The following CSTPP1 variants were observed in gnomAD, a reference collection of about 807,000 sequenced individuals.
The protein encoded by CSTPP1 is UPF0705 protein C11orf49.
the CSTPP1 span, among the ~76,000 whole-genome samples, chr11:47,119,584 T>C: frequency 2.0e-5 from 3 of 151,218 alleles, no homozygotes; most frequent in Admixed American, 6.6e-5. Flanking sequence ...TTCAGCCATC[T>C]TGGAACACTG....
chr11:47,063,785 G>A, the CSTPP1 span, among the ~76,000 whole-genome samples: 1 of 152,156 alleles, frequency 6.6e-6, no homozygotes, highest in African/African-American at 2.4e-5. Context: ...TGCTATGAAT[G>A]TAAGTGTACA....
chr11:47,093,458 T>G, the CSTPP1 span, among the ~76,000 whole-genome samples: 1 of 152,254 alleles, frequency 6.6e-6, no homozygotes, highest in Non-Finnish European at 1.5e-5. Flanking sequence ...CAGGCACTGT[T>G]TTGGTGCTGG....
the CSTPP1 span, among the ~76,000 whole-genome samples, chr11:47,004,904 T>C: frequency 6.6e-5 from 10 of 152,264 alleles, no homozygotes; most frequent in South Asian, 1.5e-3. Flanking sequence ...CTCTGAACAG[T>C]TGGAATGTAT....
the CSTPP1 span, among the ~76,000 whole-genome samples, chr11:47,000,723 A>C: frequency 6.6e-6 from 1 of 152,168 alleles, no homozygotes. Flanking sequence ...GAGCAAGACA[A>C]ATAAGGTACC....
the CSTPP1 span, among the ~76,000 whole-genome samples, chr11:47,025,056 T>C: frequency 2.6e-5 from 4 of 152,184 alleles, no homozygotes; most frequent in Non-Finnish European, 5.9e-5. Context: ...GTGCCTATAG[T>C]GCCCTTATTT....
chr11:47,046,485 C>A, the CSTPP1 span, among the ~76,000 whole-genome samples: 1 of 151,882 alleles, frequency 6.6e-6, no homozygotes, highest in Admixed American at 6.6e-5. Context: ...AGGTGAAAGA[C>A]TTGCACACTG....
chr11:47,087,163 A>C, the CSTPP1 span, among the ~76,000 whole-genome samples: 1 of 152,210 alleles, frequency 6.6e-6, no homozygotes, highest in South Asian at 2.1e-4. Context: ...GCTTTTTTAA[A>C]AAATCATTAT....
At chr11:47,104,411 T>G in the CSTPP1 span, among the ~76,000 whole-genome samples, 1 of 152,220 alleles carries the variant, frequency 6.6e-6, no homozygotes, top group Non-Finnish European at 1.5e-5. Flanking sequence ...TCAGTCACAC[T>G]GTGGCCCCAG....
chr11:46,937,883 C>CGTTTTGTTTTGTTTT, the CSTPP1 span, among the ~76,000 whole-genome samples: 1 of 151,382 alleles, frequency 6.6e-6, no homozygotes, highest in Non-Finnish European at 1.5e-5. Flanking sequence ...TTTTTAAAGA[C>CGTTTTGTTTTGTTTT]GTTTTGTTTT....
At chr11:47,118,711 C>G in the CSTPP1 span, among the ~76,000 whole-genome samples, 319 of 152,316 alleles carry the variant, frequency 2.1e-3, 1 homozygote, top group Middle Eastern at 6.8e-3. Flanking sequence ...AGTCAGGTCC[C>G]TCAGCTGCAG....
the CSTPP1 span, among the ~76,000 whole-genome samples, chr11:46,977,156 C>T: frequency 2.6e-5 from 4 of 152,182 alleles, no homozygotes; most frequent in African/African-American, 4.8e-5. Flanking sequence ...AGTGGTAGTA[C>T]ATGGCTTGCA....
chr11:46,936,754 C>G, the CSTPP1 span: 10 of 1,604,722 alleles, frequency 6.2e-6, no homozygotes, highest in Non-Finnish European at 8.5e-6. Flanking sequence ...AGACGGCAAC[C>G]TGGGTTCCGG....
chr11:46,970,722 T>C, the CSTPP1 span, among the ~76,000 whole-genome samples: 1 of 152,056 alleles, frequency 6.6e-6, no homozygotes. Flanking sequence ...ATGATGAATA[T>C]GATGAATAAA....
At chr11:46,936,817 G>A in the CSTPP1 span, 1 of 1,609,794 alleles carries the variant, frequency 6.2e-7, no homozygotes, top group Non-Finnish European at 8.5e-7. Context: ...TGCTGAGTCC[G>A]GAGCGCCTAG....
the CSTPP1 span, among the ~76,000 whole-genome samples, chr11:47,140,014 T>C: frequency 6.6e-6 from 1 of 152,118 alleles, no homozygotes; most frequent in Non-Finnish European, 1.5e-5. Context: ...AGCTCCTCTA[T>C]TGACTTGGAA....
At chr11:46,998,007 C>T in the CSTPP1 span, among the ~76,000 whole-genome samples, 1 of 152,190 alleles carries the variant, frequency 6.6e-6, no homozygotes, top group Non-Finnish European at 1.5e-5. Flanking sequence ...ACTCGGGGGT[C>T]AGGGACCCAC....
At chr11:46,948,065 T>G in the CSTPP1 span, 2 of 456,160 alleles carry the variant, frequency 4.4e-6, no homozygotes, top group African/African-American at 4.0e-5. Context: ...GTAAGATATA[T>G]GAAAGGCCAC....
chr11:47,114,909 G>A, the CSTPP1 span, among the ~76,000 whole-genome samples: 3 of 152,214 alleles, frequency 2.0e-5, no homozygotes, highest in African/African-American at 4.8e-5. Context: ...GTCTTGTGCC[G>A]GTTTTCAAAG....
the CSTPP1 span, among the ~76,000 whole-genome samples, chr11:47,107,021 G>A: frequency 6.6e-6 from 1 of 152,180 alleles, no homozygotes; most frequent in Non-Finnish European, 1.5e-5. Flanking sequence ...ATCCTTAGAT[G>A]AAACCATCAG....
Sources: allele counts gnomAD v4.1 joint callset (sites outside exome capture counted in the v4.1 genomes callset), GRCh38; gene constraint gnomAD v4.1.1; transcripts MANE v1.5; gene names NCBI Gene and HGNC (gene_info 2026-07-23, HGNC 2026-07-21).